Variants in SCML2 observed in about 807,000 individuals in gnomAD.
The protein encoded by SCML2 is Scm polycomb group protein like 2.
SCML2 carries 6 observed loss-of-function variants against 48.4 expected under a neutral mutation model. The observed-to-expected ratio is 0.12, with a 90% CI of 0.07 to 0.24. The LOEUF is 0.24. Ranked by LOEUF, SCML2 falls within the 10% of genes least tolerant of loss-of-function variation. The pLI is 1.00. For synonymous variants in SCML2, 181 were observed against 189.5 expected (o/e 0.95, Z 0.37); for missense variants, 377 against 528.2 (o/e 0.71, Z 2.81).
intron 2 of SCML2, among the ~76,000 whole-genome samples, chrX:18,332,965 T>C (rs1044979651): frequency 4.6e-5 from 5 of 109,566 alleles, no homozygotes; most frequent in South Asian, 3.9e-4. Context: ...AGTAATTTCA[T>C]CTCTGTAAAA....
rs186616272 is a variant in SCML2 at position 18,257,209 on chromosome X, G to C, written c.1274-179C>G. Among the ~76,000 whole-genome samples the C allele has an allele frequency of 9.8e-4, 110 of 111,881 alleles. 1 individual carries two copies. The highest frequency in any genetic ancestry group is 1.4e-3 in the Non-Finnish European group (75 of 53,132). On this transcript the variant is annotated intron_variant, in intron 10 of 14. Coordinates refer to ENST00000251900, the MANE Select transcript of SCML2 (RefSeq NM_006089.3). ...CTCTCAAACACAATAGCCTGTATTG[G>C]TAAAAACATCCTCATTTGAAAATAC...
chrX:18,248,970 C>T (rs1276069527), intron 11 of SCML2, among the ~76,000 whole-genome samples: 1 of 111,389 alleles, frequency 9.0e-6, no homozygotes, highest in Non-Finnish European at 1.9e-5. Flanking sequence ...AAAATTGACT[C>T]GACTTCTGCT....
Position 18,246,675 on chromosome X carries a change from C to A in SCML2, c.1724G>T (p.Arg575Leu), listed in dbSNP as rs747463983. Residue 575 changes from arginine to leucine, a missense_variant, in exon 13 of 15, where the codon CGA becomes CTA. By Grantham distance (102) the Arg-to-Leu change is moderately radical. This residue lies in a region of SCML2 where 299 missense variants were observed against 425.5 expected (regional missense o/e 0.70). Coordinates refer to ENST00000251900, the MANE Select transcript of SCML2 (RefSeq NM_006089.3). ...TGAACTTGTGGTGCCTGGCACACTT[C>A]GAGAAAAATCCTGGGAGACTGAAGT... ...IHTSVSQDFS[R>L]SVPGTTSSPL... 3.3e-6 allele frequency: 4 copies of A among 1,210,276 alleles called. No homozygotes were observed. Among genetic ancestry groups the A allele is most frequent in the Non-Finnish European group, 4.5e-6 (4 of 894,321 alleles).
chrX:18,346,544 T>C (rs1407698972), intron 1 of SCML2, among the ~76,000 whole-genome samples: 1 of 112,169 alleles, frequency 8.9e-6, no homozygotes. Context: ...AAGAAAATGT[T>C]GGAATAAGTG....
At chrX:18,253,511 A>G (rs1216447846) in intron 11 of SCML2, among the ~76,000 whole-genome samples, 1 of 111,917 alleles carries the variant, frequency 8.9e-6, no homozygotes, top group East Asian at 2.8e-4. Flanking sequence ...GAAAAGATCA[A>G]AGAATAAAAA....
chrX:18,261,402 C>G (rs190044312), intron 8 of SCML2, among the ~76,000 whole-genome samples: 36 of 108,982 alleles, frequency 3.3e-4, no homozygotes, highest in Admixed American at 3.2e-3. Context: ...TGAGACATAC[C>G]AAGATAGTAT....
chrX:18,324,831 A>T, intron 4 of SCML2, 76 bp downstream of exon 4: 1 of 753,883 alleles, frequency 1.3e-6, no homozygotes, highest in South Asian at 2.5e-5. Flanking sequence ...ACACTACCAG[A>T]ATCTAACAAT....
chrX:18,354,322 G>C (rs1286391049), intron 1 of SCML2, among the ~76,000 whole-genome samples: 1 of 112,686 alleles, frequency 8.9e-6, no homozygotes, highest in African/African-American at 3.2e-5. Flanking sequence ...GCTATCGGCC[G>C]GGCGCCCAAA....
At chrX:18,280,537 C>T (rs187323418) in intron 7 of SCML2, among the ~76,000 whole-genome samples, 1 of 111,470 alleles carries the variant, frequency 9.0e-6, no homozygotes, top group African/African-American at 3.3e-5. Context: ...TGTAAATGGG[C>T]TAAACACTCC....
chrX:18,326,372 CAGAG>C lies in SCML2; in HGVS notation c.92-1399_92-1396del, dbSNP rs748691921. Among the ~76,000 whole-genome samples, 4 of 111,350 alleles carry C rather than the reference CAGAG, an allele frequency of 3.6e-5. No homozygotes were observed. In the South Asian group the frequency reaches 1.5e-3, roughly 43 times the overall value. ...ACTACCAGCATTGAAAATCATGCAT[CAGAG>C]AGAGTGTTAAGAATGTGGGCTTTAG... On this transcript the variant is annotated intron_variant, in intron 3 of 14. Transcript: ENST00000251900.
intron 1 of SCML2, among the ~76,000 whole-genome samples, chrX:18,341,751 C>T (rs1221270834): frequency 6.3e-5 from 7 of 110,876 alleles, no homozygotes; most frequent in Admixed American, 1.9e-4. Flanking sequence ...GAAGAATCTG[C>T]GAAGATCCTG....
At chrX:18,294,299 C>G (rs750256084) in intron 7 of SCML2, among the ~76,000 whole-genome samples, 4 of 110,873 alleles carry the variant, frequency 3.6e-5, no homozygotes, top group Non-Finnish European at 7.6e-5. Flanking sequence ...AGGAAACACC[C>G]GAGGCATGAA....
chrX:18,332,036 G>A (rs1929674951), intron 2 of SCML2, among the ~76,000 whole-genome samples: 2 of 111,879 alleles, frequency 1.8e-5, no homozygotes, highest in South Asian at 3.7e-4. Context: ...CTCTCTTTTC[G>A]TGATGTGAAC....
chrX:18,291,524 T>C (rs2147509726), intron 7 of SCML2, among the ~76,000 whole-genome samples: 1 of 112,180 alleles, frequency 8.9e-6, no homozygotes, highest in South Asian at 3.7e-4. Context: ...AAAGCTTAAA[T>C]AAACATTTAT....
chrX:18,265,842 C>T (rs1468057227), intron 7 of SCML2, 40 bp from the exon 8 acceptor site: 23 of 982,963 alleles, frequency 2.3e-5, no homozygotes, highest in Non-Finnish European at 3.3e-5. Context: ...GTAAATGACA[C>T]AATTAAGGCA....
intron 7 of SCML2, among the ~76,000 whole-genome samples, chrX:18,266,795 G>A (rs756362787): frequency 2.6e-4 from 29 of 111,438 alleles, no homozygotes; most frequent in Non-Finnish European, 4.9e-4. Flanking sequence ...TCTTTCCTAC[G>A]GCCTTTTCAT....
At chrX:18,283,313 C>A (rs180971746) in intron 7 of SCML2, among the ~76,000 whole-genome samples, 1 of 111,761 alleles carries the variant, frequency 8.9e-6, no homozygotes, top group Non-Finnish European at 1.9e-5. Context: ...ATAATAAGTG[C>A]CATCTATGAC....
intron 1 of SCML2, among the ~76,000 whole-genome samples, chrX:18,336,268 G>A (rs182951580): frequency 2.1e-3 from 225 of 109,000 alleles, no homozygotes; most frequent in African/African-American, 7.2e-3. Context: ...GTGAAACCCC[G>A]TCTCTACTAA....
intron 2 of SCML2, among the ~76,000 whole-genome samples, chrX:18,333,328 T>C: frequency 9.0e-6 from 1 of 111,351 alleles, no homozygotes; most frequent in Non-Finnish European, 1.9e-5. Flanking sequence ...GATAACTAGA[T>C]ATTAGGAGTC....
Sources: allele counts gnomAD v4.1 joint callset (sites outside exome capture counted in the v4.1 genomes callset), GRCh38; gene constraint gnomAD v4.1.1; regional missense constraint gnomAD v4.1.1; transcripts MANE v1.5; gene names NCBI Gene and HGNC (gene_info 2026-07-23, HGNC 2026-07-21).